CA1: variants seen among roughly 807,000 people sequenced by gnomAD.
The protein encoded by CA1 is carbonate dehydratase I.
In CA1, 27 loss-of-function variants were observed where a neutral mutation model predicts 28.8. The observed-to-expected ratio is 0.94, with a 90% CI of 0.69 to 1.29. CA1 has a LOEUF of 1.29. Among genes scored for constraint, CA1 ranks in the 50% most tolerant of loss-of-function variants. The pLI is 0.00. For missense variants in CA1, 335 were observed against 310.5 expected (o/e 1.08, Z -0.59); for synonymous variants, 121 against 108.8 (o/e 1.11, Z -0.70).
intron 5 of CA1, 44 bp downstream of exon 5, chr8:85,333,481 G>T: frequency 1.7e-6 from 2 of 1,178,330 alleles, no homozygotes; most frequent in South Asian, 1.2e-5. Flanking sequence ...AGGTCTAATT[G>T]GTAAGACAGT....
intron 1 of CA1, among the ~76,000 whole-genome samples, chr8:85,374,161 T>C (rs1810327031): frequency 1.3e-5 from 2 of 152,072 alleles, no homozygotes. Flanking sequence ...AACAAGAAAA[T>C]GATTTATAAT....
At chr8:85,358,472 C>G (rs529705234) in intron 1 of CA1, among the ~76,000 whole-genome samples, 1 of 152,222 alleles carries the variant, frequency 6.6e-6, no homozygotes, top group South Asian at 2.1e-4. Flanking sequence ...CTTGAGATCT[C>G]TGAGGATTTT....
chr8:85,356,424 G>T (rs1328495120), intron 1 of CA1, among the ~76,000 whole-genome samples: 1 of 152,024 alleles, frequency 6.6e-6, no homozygotes, highest in Admixed American at 6.6e-5. Context: ...TTATATAGGA[G>T]ATCAGGTAGG....
intron 1 of CA1, among the ~76,000 whole-genome samples, chr8:85,362,913 A>T (rs1429617304): frequency 6.6e-6 from 1 of 152,148 alleles, no homozygotes; most frequent in Non-Finnish European, 1.5e-5. Flanking sequence ...AAAACTAAAG[A>T]TGTGTAGTTT....
intron 1 of CA1, among the ~76,000 whole-genome samples, chr8:85,342,408 T>TA (rs1213720655): frequency 1.3e-5 from 2 of 152,198 alleles, no homozygotes; most frequent in East Asian, 3.8e-4. Context: ...ACAAATGCTA[T>TA]ATAGTAAGAA....
chr8:85,356,886 A>G (rs984946334), intron 1 of CA1, among the ~76,000 whole-genome samples: 2 of 152,230 alleles, frequency 1.3e-5, no homozygotes, highest in African/African-American at 4.8e-5. Context: ...TGTGAGCTCT[A>G]AAACCATTGA....
intron 1 of CA1, among the ~76,000 whole-genome samples, chr8:85,344,226 ACAG>A: frequency 1.6e-5 from 1 of 60,680 alleles, no homozygotes; most frequent in Admixed American, 1.7e-4. Context: ...TATATTATAT[ACAG>A]TATATAATAT....
chr8:85,331,345 C>A (rs1469818895), intron 6 of CA1, among the ~76,000 whole-genome samples: 1 of 151,692 alleles, frequency 6.6e-6, no homozygotes, highest in African/African-American at 2.4e-5. Flanking sequence ...TTCTCTTTAT[C>A]CAGCTTCCCC....
chr8:85,361,140 G>A (rs887323894), intron 1 of CA1, among the ~76,000 whole-genome samples: 19 of 152,152 alleles, frequency 1.2e-4, no homozygotes, highest in African/African-American at 4.6e-4. Context: ...CAGGCCACTG[G>A]GAGGGGAAAT....
chr8:85,346,797 A>C (rs868375608), intron 1 of CA1, among the ~76,000 whole-genome samples: 4 of 152,172 alleles, frequency 2.6e-5, no homozygotes, highest in South Asian at 2.1e-4. Flanking sequence ...TTCTGCACAA[A>C]TATAAATGAT....
intron 1 of CA1, among the ~76,000 whole-genome samples, chr8:85,363,496 G>T (rs767858445): frequency 3.9e-5 from 6 of 152,166 alleles, no homozygotes; most frequent in Non-Finnish European, 8.8e-5. Flanking sequence ...ATTGGTGATT[G>T]TTCCCTTCCT....
chr8:85,369,093 G>T (rs928272835), intron 1 of CA1, among the ~76,000 whole-genome samples: 1 of 152,022 alleles, frequency 6.6e-6, no homozygotes, highest in African/African-American at 2.4e-5. Context: ...CTGATCTCTG[G>T]GTTCTTCCCT....
At chr8:85,347,103 A>T (rs1809222318) in intron 1 of CA1, among the ~76,000 whole-genome samples, 1 of 152,198 alleles carries the variant, frequency 6.6e-6, no homozygotes, top group Admixed American at 6.5e-5. Context: ...GGTTAAAAAA[A>T]CATGTCTTCT....
At position 85,365,133 on chromosome 8, in the gene CA1, C is replaced by T. The variant is rs115908390; in HGVS notation, c.-25+12913G>A. On this transcript the variant is annotated intron_variant, in intron 1 of 7. Coordinates refer to ENST00000523022, the MANE Select transcript of CA1 (RefSeq NM_001128831.4). Reference sequence around the variant, plus strand: ...GCAGAGCAATTAGTTATGGCATCACCGGTATATAAAAGGGTGAGGGAATCT... The same window carrying T: ...GCAGAGCAATTAGTTATGGCATCACTGGTATATAAAAGGGTGAGGGAATCT... Among the ~76,000 whole-genome samples, 1,451 of 152,226 alleles carry T rather than the reference C, an allele frequency of 9.5e-3. 23 individuals carry two copies. Among genetic ancestry groups the T allele is most frequent in the African/African-American group, 0.033 (1,380 of 41,542 alleles).
At chr8:85,359,379 G>A (rs934240800) in intron 1 of CA1, among the ~76,000 whole-genome samples, 1 of 152,212 alleles carries the variant, frequency 6.6e-6, no homozygotes, top group African/African-American at 2.4e-5. Flanking sequence ...GGAGTATGGG[G>A]AGAATCTATT....
At chr8:85,334,041 C>G (rs1475392246) in intron 4 of CA1, among the ~76,000 whole-genome samples, 1 of 152,196 alleles carries the variant, frequency 6.6e-6, no homozygotes. Context: ...CAGATTCTTT[C>G]AGGCACGTTC....
chr8:85,343,556 C>T (rs1012003062), intron 1 of CA1, among the ~76,000 whole-genome samples: 5 of 152,102 alleles, frequency 3.3e-5, no homozygotes, highest in Non-Finnish European at 7.4e-5. Context: ...CAGGCTACCC[C>T]CTGCCAGGTA....
chr8:85,341,146 G>GA (rs35381641), intron 2 of CA1: 87,215 of 152,590 alleles, frequency 0.57, 25,260 homozygotes, highest in Middle Eastern at 0.62. Context: ...CTGTGTCAAA[G>GA]AAAAAAAAAT....
intron 3 of CA1, 54 bp downstream of exon 3, chr8:85,338,198 A>T: frequency 7.1e-7 from 1 of 1,418,352 alleles, no homozygotes. Flanking sequence ...ACTATTTTTT[A>T]AATTTTCCCA....
Sources: gnomAD v4.1 joint callset for allele counts (sites outside exome capture counted in the v4.1 genomes callset) on GRCh38, gnomAD v4.1.1 for gene constraint, MANE v1.5 for transcripts, NCBI Gene and HGNC (gene_info 2026-07-23, HGNC 2026-07-21) for gene names.